The following RFC3 variants were observed in gnomAD, a reference collection of about 807,000 sequenced individuals.
The protein encoded by RFC3 is replication factor C subunit 3.
Under a neutral mutation model 45.1 loss-of-function variants are expected in RFC3, and 41 were observed. The observed-to-expected ratio is 0.91, with a 90% confidence interval of 0.71 to 1.18. RFC3 has a LOEUF of 1.18. RFC3 is among the 50% of genes most tolerant of loss of function. The probability of loss-of-function intolerance (pLI) is 0.00; values close to 1 mark genes in which losing one functional copy is unlikely to be tolerated. For synonymous variants in RFC3, 149 were observed against 144.0 expected (o/e 1.03, Z -0.25); for missense variants, 423 against 428.1 (o/e 0.99, Z 0.10).
intron 3 of RFC3, 56 bp downstream of exon 3, chr13:33,824,040 T>C: frequency 1.2e-6 from 1 of 863,502 alleles, no homozygotes; most frequent in Admixed American, 2.9e-5. Context: ...TTTTGGGCTT[T>C]CTTTTTTTAA....
chr13:33,850,800 A>G (rs897086874), intron 8 of RFC3: 3 of 152,208 alleles, frequency 2.0e-5, no homozygotes, highest in African/African-American at 7.2e-5. Context: ...TGTACATGAT[A>G]ATTTTAATAA....
intron 1 of RFC3, among the ~76,000 whole-genome samples, chr13:33,820,597 TGAA>T (rs1185234347): frequency 1.3e-5 from 2 of 152,096 alleles, no homozygotes; most frequent in Non-Finnish European, 2.9e-5. Context: ...CACTCTCCTA[TGAA>T]GTTTTCCTTT....
intron 8 of RFC3, among the ~76,000 whole-genome samples, chr13:33,872,402 A>G (rs2137569635): frequency 6.6e-6 from 1 of 152,334 alleles, no homozygotes. Context: ...GAACTTTACC[A>G]GTCTCCAAAT....
Position 33,835,169 on chromosome 13 carries a change from G to C in RFC3, c.831G>C (p.Arg277Ser). 3 of 1,608,986 alleles carry C rather than the reference G, an allele frequency of 1.9e-6. No homozygotes were observed. The highest frequency in any genetic ancestry group is 2.6e-6 in the Non-Finnish European group (3 of 1,175,974). Residue 277 changes from arginine to serine, a missense_variant, in exon 8 of 9, where the codon AGG (arginine) becomes AGC (serine). By Grantham distance (110) the Arg-to-Ser change is moderately radical. Transcript: ENST00000380071. ...GTAGGCTCCTTGAAGTTCGTGGAAG[G>C]CTGTATGAGCTTCTAACTCATTGTA... Reference protein sequence around the residue: ...TPQRLLEVRGRLYELLTHCIP... With the variant: ...TPQRLLEVRGSLYELLTHCIP...
chr13:33,891,692 G>A (rs1274204617), intron 8 of RFC3, among the ~76,000 whole-genome samples: 1 of 152,016 alleles, frequency 6.6e-6, no homozygotes, highest in Non-Finnish European at 1.5e-5. Flanking sequence ...CAGCCAACTG[G>A]ATTATAACAA....
chr13:33,911,102 G>C (rs2082701497), intron 8 of RFC3, among the ~76,000 whole-genome samples: 1 of 152,046 alleles, frequency 6.6e-6, no homozygotes, highest in Admixed American at 6.6e-5. Flanking sequence ...GAAGAAGAAA[G>C]GTTTTATTTA....
rs1659242200 is a variant in RFC3, at chr13:33,888,723, G to A, written c.879+53506G>A. On this transcript the variant is annotated intron_variant, in intron 8 of 8. Coordinates refer to the RFC3 transcript ENST00000434425. The stretch of plus-strand genomic sequence containing the variant: ...TCTGTGATGAAAACATTCATTGATA[G>A]CAAATATTTATTTTAAAGAAAATCT... 2.0e-5 allele frequency among the ~76,000 whole-genome samples: 3 copies of A among 151,582 alleles called. No individual in the cohort carries two copies. The South Asian group carries it at 6.3e-4, about 32-fold the overall frequency.
chr13:33,901,029 A>G (rs2082637992), intron 8 of RFC3, among the ~76,000 whole-genome samples: 1 of 151,956 alleles, frequency 6.6e-6, no homozygotes, highest in African/African-American at 2.4e-5. Flanking sequence ...AATTTTATCA[A>G]AAAGACAATA....
At chr13:33,856,313 C>T (rs2082308640) in intron 8 of RFC3, among the ~76,000 whole-genome samples, 1 of 152,064 alleles carries the variant, frequency 6.6e-6, no homozygotes, top group Admixed American at 6.6e-5. Context: ...GACAGGTAAA[C>T]AGCAGACACT....
chr13:33,908,158 C>CA (rs768613470), intron 8 of RFC3, among the ~76,000 whole-genome samples: 23 of 151,774 alleles, frequency 1.5e-4, no homozygotes, highest in Non-Finnish European at 3.1e-4. Flanking sequence ...ATTTGCACTG[C>CA]ATTTATCTGA....
intron 8 of RFC3, among the ~76,000 whole-genome samples, chr13:33,853,944 T>TA (rs748687090): frequency 6.6e-6 from 1 of 152,178 alleles, no homozygotes; most frequent in Non-Finnish European, 1.5e-5. Context: ...AAGCATTTCT[T>TA]ACGTGAGTTT....
chr13:33,818,651 G>A (rs563783178), intron 1 of RFC3, among the ~76,000 whole-genome samples: 30 of 152,342 alleles, frequency 2.0e-4, no homozygotes, highest in Non-Finnish European at 3.2e-4. Context: ...AATCGGAGAT[G>A]GGTGTATGTG....
chr13:33,974,145 C>T, the RFC3 span, among the ~76,000 whole-genome samples: 1 of 152,150 alleles, frequency 6.6e-6, no homozygotes. Flanking sequence ...AATTTGCACT[C>T]GTGGCTGCAG....
downstream of RFC3, among the ~76,000 whole-genome samples, chr13:33,970,002 G>A (rs774259664): frequency 1.3e-5 from 2 of 150,786 alleles, no homozygotes; most frequent in Non-Finnish European, 3.0e-5. Flanking sequence ...CATGTGCCAT[G>A]GTTGTTTGCT....
chr13:33,829,714 G>C, intron 4 of RFC3, 122 bp from the exon 5 acceptor site: 2 of 746,848 alleles, frequency 2.7e-6, no homozygotes, highest in Admixed American at 4.7e-5. Flanking sequence ...TTGCCAATGG[G>C]AAGAGTAGTA....
chr13:33,848,710 A>T (rs2082256209), intron 8 of RFC3: 1 of 152,048 alleles, frequency 6.6e-6, no homozygotes, highest in South Asian at 2.1e-4. Flanking sequence ...GGCAGACTAG[A>T]TGGACTCATG....
intron 8 of RFC3, among the ~76,000 whole-genome samples, chr13:33,873,265 A>C (rs1036673235): frequency 7.2e-5 from 11 of 152,210 alleles, no homozygotes; most frequent in African/African-American, 2.7e-4. Context: ...CTCATGTCCC[A>C]GGCCTTTTTA....
At chr13:33,876,593 A>T (rs150185242) in intron 8 of RFC3, among the ~76,000 whole-genome samples, 1,618 of 152,356 alleles carry the variant, frequency 0.011, 20 homozygotes, top group Middle Eastern at 0.027. Flanking sequence ...ATTTAAATTA[A>T]TATAATCACT....
intron 7 of RFC3, among the ~76,000 whole-genome samples, chr13:33,832,853 T>C (rs2082116898): frequency 1.3e-5 from 2 of 152,160 alleles, no homozygotes; most frequent in African/African-American, 2.4e-5. Context: ...TTACCTACTT[T>C]TAGGGGATTT....
Sources: gnomAD v4.1 joint callset for allele counts (sites outside exome capture counted in the v4.1 genomes callset) on GRCh38, gnomAD v4.1.1 for gene constraint, MANE v1.5 for transcripts, NCBI Gene and HGNC (gene_info 2026-07-23, HGNC 2026-07-21) for gene names.